The following CDK14 variants were observed in gnomAD, a reference collection of about 807,000 sequenced individuals.
CDK14 encodes cyclin-dependent kinase 14.
In CDK14, 34 loss-of-function variants were observed where a neutral mutation model predicts 60.7. The observed-to-expected ratio is 0.56, with a 90% CI of 0.43 to 0.75. The LOEUF (loss-of-function observed/expected upper bound fraction) is 0.75. CDK14 is among the 30% of genes least tolerant of loss of function. The pLI, the probability that CDK14 is intolerant of heterozygous loss-of-function variation, is 0.00. For synonymous variants in CDK14, 197 were observed against 203.7 expected (o/e 0.97, Z 0.28); for missense variants, 482 against 564.1 (o/e 0.85, Z 1.47).
chr7:90,634,833 T>A (rs11982567), intron 2 of CDK14, among the ~76,000 whole-genome samples: 27,498 of 151,958 alleles, frequency 0.18, 2,602 homozygotes, highest in Middle Eastern at 0.21. Context: ...TTCTAACTGG[T>A]GTGAGATGGT....
At chr7:90,984,340 A>G in intron 10 of CDK14, 99 bp downstream of exon 10, 1 of 782,614 alleles carries the variant, frequency 1.3e-6, no homozygotes, top group Non-Finnish European at 2.2e-6. Context: ...TTTAAAACAA[A>G]ATTTGTTGTC....
intron 4 of CDK14, among the ~76,000 whole-genome samples, chr7:90,773,848 TCTCCTCTCCTCTCC>T (rs1804889453): frequency 2.8e-5 from 1 of 35,614 alleles, no homozygotes; most frequent in Non-Finnish European, 6.6e-5. Flanking sequence ...TCTTCCCTCC[TCTCCTCTCCTCTCC>T]TCTCCTCTCC....
chr7:90,601,815 G>A (rs1454168071), intron 1 of CDK14, among the ~76,000 whole-genome samples: 4 of 151,930 alleles, frequency 2.6e-5, no homozygotes, highest in Non-Finnish European at 4.4e-5. Context: ...GTGCAGTGGC[G>A]CAATCTTGCT....
intron 2 of CDK14, among the ~76,000 whole-genome samples, chr7:90,694,153 A>G (rs922392470): frequency 6.6e-6 from 1 of 152,162 alleles, no homozygotes; most frequent in Admixed American, 6.5e-5. Context: ...ACTGTGCCTG[A>G]TGTGTAGGTG....
At chr7:90,968,329 C>T (rs758654779) in intron 9 of CDK14, among the ~76,000 whole-genome samples, 24 of 152,152 alleles carry the variant, frequency 1.6e-4, no homozygotes, top group Non-Finnish European at 2.6e-4. Context: ...TCAACTAAAA[C>T]GACCTATCAG....
At position 90,621,524 on chromosome 7, in the gene CDK14, T is replaced by G. The variant is rs184842709; in HGVS notation, c.123+17275T>G. 2.0e-5 allele frequency among the ~76,000 whole-genome samples: 3 copies of G among 152,352 alleles called. No homozygotes were observed. In the East Asian group the frequency reaches 5.8e-4, roughly 29 times the overall value. On this transcript the variant is annotated intron_variant, in intron 2 of 14. Transcript: ENST00000380050. Reference sequence around the variant, plus strand: ...TTTCAGAACAGTCCTTTGCACCTAGTAGGTGCTGAATAAAAGTTGCTTGAG... The same window carrying G: ...TTTCAGAACAGTCCTTTGCACCTAGGAGGTGCTGAATAAAAGTTGCTTGAG...
intron 5 of CDK14, among the ~76,000 whole-genome samples, chr7:90,861,085 G>C (rs1790992600): frequency 6.6e-6 from 1 of 152,134 alleles, no homozygotes; most frequent in Non-Finnish European, 1.5e-5. Context: ...CTAGGTGGCA[G>C]CAGGCTCTTC....
chr7:91,036,121 G>T (rs928767357), intron 10 of CDK14, among the ~76,000 whole-genome samples: 1 of 152,208 alleles, frequency 6.6e-6, no homozygotes, highest in African/African-American at 2.4e-5. Context: ...GGGATTATAG[G>T]CGTGAGCCAC....
At chr7:91,152,154 G>T (rs1321949621) in intron 14 of CDK14, among the ~76,000 whole-genome samples, 1 of 152,166 alleles carries the variant, frequency 6.6e-6, no homozygotes, top group African/African-American at 2.4e-5. Context: ...TGTGTCTTGT[G>T]AATCGTGGTA....
chr7:90,676,138 A>G (rs1246779417), intron 2 of CDK14, among the ~76,000 whole-genome samples: 2 of 152,258 alleles, frequency 1.3e-5, no homozygotes, highest in Non-Finnish European at 2.9e-5. Flanking sequence ...CCCTGCTTTC[A>G]CAATCATAGA....
intron 5 of CDK14, among the ~76,000 whole-genome samples, chr7:90,832,730 G>A (rs1584024761): frequency 1.3e-5 from 2 of 152,290 alleles, no homozygotes; most frequent in East Asian, 3.9e-4. Context: ...ATTATCTTAA[G>A]CATGTGTGTG....
intron 10 of CDK14, among the ~76,000 whole-genome samples, chr7:91,020,882 T>C (rs1327128010): frequency 6.6e-6 from 1 of 152,198 alleles, no homozygotes; most frequent in Non-Finnish European, 1.5e-5. Context: ...CTTTCCTTTC[T>C]AGAACTTGGA....
At chr7:90,979,212 A>T (rs2115603677) in intron 9 of CDK14, among the ~76,000 whole-genome samples, 1 of 152,284 alleles carries the variant, frequency 6.6e-6, no homozygotes, top group East Asian at 1.9e-4. Context: ...TCTTCTTTCG[A>T]TATTTTTCAA....
At chr7:90,867,680 G>T (rs149112190) in intron 6 of CDK14, among the ~76,000 whole-genome samples, 1 of 152,012 alleles carries the variant, frequency 6.6e-6, no homozygotes. Context: ...TTTTGGAGGG[G>T]GGTGGATACA....
At chr7:90,955,891 T>C (rs1391742151) in intron 9 of CDK14, 74 bp downstream of exon 9, 3 of 1,548,034 alleles carry the variant, frequency 1.9e-6, no homozygotes, top group South Asian at 2.3e-5. Context: ...ACAAACATCC[T>C]AACAGTTTGA....
At chr7:90,902,326 C>T (rs1377172045) in intron 7 of CDK14, among the ~76,000 whole-genome samples, 1 of 152,056 alleles carries the variant, frequency 6.6e-6, no homozygotes, top group Admixed American at 6.6e-5. Context: ...ATACTTCATA[C>T]TACGTGACTT....
chr7:91,160,239 T>C (rs1169739145), intron 14 of CDK14, among the ~76,000 whole-genome samples: 1 of 152,208 alleles, frequency 6.6e-6, no homozygotes, highest in Non-Finnish European at 1.5e-5. Context: ...TGCCCTCGGC[T>C]CTGCCTTCCC....
At chr7:90,877,107 T>C (rs1358316490) in intron 6 of CDK14, among the ~76,000 whole-genome samples, 3 of 152,208 alleles carry the variant, frequency 2.0e-5, no homozygotes, top group Non-Finnish European at 2.9e-5. Context: ...TAGATACATA[T>C]TCATACATTT....
At chr7:91,071,890 G>C (rs1220012081) in intron 11 of CDK14, among the ~76,000 whole-genome samples, 1 of 152,234 alleles carries the variant, frequency 6.6e-6, no homozygotes, top group African/African-American at 2.4e-5. Flanking sequence ...CACACTGGCT[G>C]TGGCAGATTG....
Sources: allele counts gnomAD v4.1 joint callset (sites outside exome capture counted in the v4.1 genomes callset), GRCh38; gene constraint gnomAD v4.1.1; transcripts MANE v1.5; gene names NCBI Gene and HGNC (gene_info 2026-07-23, HGNC 2026-07-21).